The following INSYN2B variants were observed in gnomAD, a reference collection of about 807,000 sequenced individuals.
INSYN2B encodes inhibitory synaptic factor family member 2B, also known as protein INSYN2B.
Under a neutral mutation model 41.2 loss-of-function variants are expected in INSYN2B, and 16 were observed. The ratio of observed to expected loss-of-function variants is 0.39; its 90% CI spans 0.26 to 0.59. INSYN2B has a LOEUF of 0.59. Ranked by LOEUF, INSYN2B falls within the 20% of genes least tolerant of loss-of-function variation. The probability of loss-of-function intolerance (pLI) is 0.57; values close to 1 mark genes in which losing one functional copy is unlikely to be tolerated. For synonymous variants in INSYN2B, 245 were observed against 244.4 expected (o/e 1.00, Z -0.02); for missense variants, 608 against 646.4 (o/e 0.94, Z 0.64).
chr5:169,940,703 C>A (rs1259067454), intron 1 of INSYN2B, among the ~76,000 whole-genome samples: 1 of 152,154 alleles, frequency 6.6e-6, no homozygotes, highest in Non-Finnish European at 1.5e-5. Context: ...AGAATCTAAT[C>A]CCACCACTGA....
At chr5:169,936,849 T>C (rs966046522) in intron 1 of INSYN2B, among the ~76,000 whole-genome samples, 6 of 152,162 alleles carry the variant, frequency 3.9e-5, no homozygotes, top group African/African-American at 1.4e-4. Context: ...AACAATTTTG[T>C]CTCTTGTGAT....
At chr5:169,942,688 AC>A (rs1163951549) in intron 1 of INSYN2B, among the ~76,000 whole-genome samples, 2 of 152,172 alleles carry the variant, frequency 1.3e-5, no homozygotes, top group Non-Finnish European at 2.9e-5. Flanking sequence ...TGCAAGCAGT[AC>A]AGAGAAATAG....
chr5:169,931,245 AGG>A (rs1387083584), intron 1 of INSYN2B, among the ~76,000 whole-genome samples: 2 of 152,254 alleles, frequency 1.3e-5, no homozygotes, highest in African/African-American at 4.8e-5. Context: ...AAAGACGACC[AGG>A]AGAGTGAGGA....
At chr5:169,943,779 G>A (rs259913) in intron 1 of INSYN2B, among the ~76,000 whole-genome samples, 8,786 of 152,184 alleles carry the variant, frequency 0.058, 572 homozygotes, top group African/African-American at 0.16. Context: ...ACAGTTGACG[G>A]TAGGGTCCAG....
intron 1 of INSYN2B, among the ~76,000 whole-genome samples, chr5:169,941,524 G>A (rs752092768): frequency 1.3e-5 from 2 of 152,198 alleles, no homozygotes. Flanking sequence ...CTGTTGGAAG[G>A]CCTGTGGGCT....
intron 3 of INSYN2B, among the ~76,000 whole-genome samples, chr5:169,865,023 T>C (rs920941069): frequency 2.0e-5 from 3 of 152,244 alleles, no homozygotes; most frequent in Non-Finnish European, 4.4e-5. Flanking sequence ...ATCATTAACA[T>C]AATTTCTACC....
intron 1 of INSYN2B, among the ~76,000 whole-genome samples, chr5:169,973,651 CTAGATATA>C (rs968220439): frequency 2.0e-5 from 3 of 152,190 alleles, no homozygotes; most frequent in African/African-American, 7.2e-5. Flanking sequence ...CTATGAGAAA[CTAGATATA>C]TTTCCCAGTA....
intron 3 of INSYN2B, among the ~76,000 whole-genome samples, chr5:169,866,730 A>T (rs1002752838): frequency 6.6e-6 from 1 of 150,900 alleles, no homozygotes; most frequent in Admixed American, 6.6e-5. Flanking sequence ...AGACTCACAT[A>T]CTGACTGTCT....
intron 1 of INSYN2B, among the ~76,000 whole-genome samples, chr5:169,888,812 C>G (rs1403306765): frequency 6.6e-6 from 1 of 152,204 alleles, no homozygotes; most frequent in Non-Finnish European, 1.5e-5. Context: ...TAGAACCCAG[C>G]TGGTAGCCAT....
intron 3 of INSYN2B, among the ~76,000 whole-genome samples, chr5:169,879,714 G>T (rs915958397): frequency 2.0e-5 from 3 of 152,100 alleles, no homozygotes; most frequent in African/African-American, 7.2e-5. Flanking sequence ...TTTTAATTCG[G>T]TTTAGAATAT....
chr5:169,949,104 C>G (rs1474351585), intron 1 of INSYN2B, among the ~76,000 whole-genome samples: 1 of 152,180 alleles, frequency 6.6e-6, no homozygotes, highest in Non-Finnish European at 1.5e-5. Context: ...AAGTGTATAG[C>G]CCTGTATTCG....
intron 1 of INSYN2B, among the ~76,000 whole-genome samples, chr5:169,921,503 A>G (rs1775173437): frequency 6.6e-6 from 1 of 152,234 alleles, no homozygotes; most frequent in Non-Finnish European, 1.5e-5. Flanking sequence ...ACGTGGATCA[A>G]CAGTTTTGTA....
At chr5:169,937,291 C>G (rs1776039382) in intron 1 of INSYN2B, among the ~76,000 whole-genome samples, 1 of 152,172 alleles carries the variant, frequency 6.6e-6, no homozygotes, top group Non-Finnish European at 1.5e-5. Context: ...AAATCTGACC[C>G]TTTGAGAACA....
rs77500867 is a variant in INSYN2B, at chr5:169,951,900, C to T, written c.-919+28377G>A. 3.2e-3 allele frequency among the ~76,000 whole-genome samples: 481 copies of T among 152,308 alleles called. 1 individual carries two copies. Among genetic ancestry groups the T allele is most frequent in the Non-Finnish European group, 5.4e-3 (365 of 68,028 alleles). On this transcript the variant is annotated intron_variant, in intron 1 of 3. Coordinates refer to ENST00000377365, the MANE Select transcript of INSYN2B (RefSeq NM_001129891.3). ...CAAGAAGCAGACACCAGAACCAGAGCCCCAGGCTCACAAACTTCACTACCT... is the reference window on the plus strand; with the variant it reads ...CAAGAAGCAGACACCAGAACCAGAGTCCCAGGCTCACAAACTTCACTACCT...
intron 1 of INSYN2B, among the ~76,000 whole-genome samples, chr5:169,960,684 C>T (rs1777048533): frequency 6.6e-6 from 1 of 152,158 alleles, no homozygotes; most frequent in African/African-American, 2.4e-5. Flanking sequence ...ATATTGTTGT[C>T]CCCTCCTCCC....
At chr5:169,942,400 G>A (rs1776277469) in intron 1 of INSYN2B, among the ~76,000 whole-genome samples, 1 of 152,162 alleles carries the variant, frequency 6.6e-6, no homozygotes. Flanking sequence ...CAAGTTTGTG[G>A]AGCTGACACA....
At chr5:169,957,889 G>A (rs1284090997) in intron 1 of INSYN2B, among the ~76,000 whole-genome samples, 3 of 152,114 alleles carry the variant, frequency 2.0e-5, no homozygotes, top group Non-Finnish European at 4.4e-5. Context: ...ATGCCTATTT[G>A]CAGAGACACA....
At chr5:169,950,768 C>T (rs1269292561) in intron 1 of INSYN2B, among the ~76,000 whole-genome samples, 4 of 152,154 alleles carry the variant, frequency 2.6e-5, no homozygotes, top group Non-Finnish European at 5.9e-5. Context: ...GTATCAGGAC[C>T]AGATTCTGTC....
At chr5:169,890,629 A>G (rs938339795) in intron 1 of INSYN2B, among the ~76,000 whole-genome samples, 3 of 152,210 alleles carry the variant, frequency 2.0e-5, no homozygotes, top group Non-Finnish European at 4.4e-5. Context: ...CAAAGAAACA[A>G]AGGGAATTGA....
Sources: allele counts gnomAD v4.1 joint callset (sites outside exome capture counted in the v4.1 genomes callset), GRCh38; gene constraint gnomAD v4.1.1; transcripts MANE v1.5; gene names NCBI Gene and HGNC (gene_info 2026-07-23, HGNC 2026-07-21).